Variants in UNC5C observed in about 807,000 individuals in gnomAD.
UNC5C encodes unc-5 netrin receptor C, also known as netrin receptor UNC5C.
In UNC5C, 47 loss-of-function variants were observed where a neutral mutation model predicts 99.8. The observed-to-expected ratio is 0.47, with a 90% CI of 0.37 to 0.60. UNC5C has a LOEUF of 0.60. UNC5C is among the 20% of genes least tolerant of loss of function. The probability of loss-of-function intolerance (pLI) is 0.00; values close to 1 mark genes in which losing one functional copy is unlikely to be tolerated. For missense variants in UNC5C, 1,062 were observed against 1,165.9 expected (o/e 0.91, Z 1.30); for synonymous variants, 487 against 452.2 (o/e 1.08, Z -0.98).
chr4:95,496,287 T>G (rs564411256), intron 1 of UNC5C, among the ~76,000 whole-genome samples: 1 of 151,822 alleles, frequency 6.6e-6, no homozygotes, highest in Non-Finnish European at 1.5e-5. Context: ...AATAACTTTT[T>G]TCTTTTAAAC....
chr4:95,384,041 T>A (rs1205151878), intron 1 of UNC5C, among the ~76,000 whole-genome samples: 1 of 152,174 alleles, frequency 6.6e-6, no homozygotes, highest in African/African-American at 2.4e-5. Context: ...CTAATTTAAC[T>A]CATAAAGAGC....
intron 1 of UNC5C, among the ~76,000 whole-genome samples, chr4:95,393,444 A>G (rs1745417313): frequency 6.6e-6 from 1 of 152,182 alleles, no homozygotes; most frequent in Non-Finnish European, 1.5e-5. Flanking sequence ...ATTATGACAC[A>G]CATACTATGT....
chr4:95,437,116 T>A (rs552541138), intron 1 of UNC5C, among the ~76,000 whole-genome samples: 117 of 151,898 alleles, frequency 7.7e-4, no homozygotes, highest in Non-Finnish European at 1.4e-3. Context: ...CAGAAACCAT[T>A]TGAAAGTCAG....
chr4:95,207,444 T>A (rs1204754892), intron 10 of UNC5C, among the ~76,000 whole-genome samples: 3 of 152,208 alleles, frequency 2.0e-5, no homozygotes, highest in South Asian at 4.1e-4. Flanking sequence ...GCAGATTCTT[T>A]ATTCTTATAT....
chr4:95,359,826 G>T (rs930655891), intron 1 of UNC5C, among the ~76,000 whole-genome samples: 4 of 152,064 alleles, frequency 2.6e-5, no homozygotes, highest in Admixed American at 2.6e-4. Context: ...ATATTTTAAA[G>T]AATAACAAAT....
intron 14 of UNC5C, among the ~76,000 whole-genome samples, chr4:95,179,762 A>AAG (rs1553949905): frequency 5.3e-5 from 8 of 151,590 alleles, no homozygotes; most frequent in Admixed American, 2.0e-4. Context: ...AAAAAAAAAA[A>AAG]AAAGAAAAAG....
intron 1 of UNC5C, among the ~76,000 whole-genome samples, chr4:95,393,245 CTAAGA>C (rs1444751271): frequency 6.6e-6 from 1 of 152,160 alleles, no homozygotes; most frequent in Non-Finnish European, 1.5e-5. Flanking sequence ...TTCCTCCTCC[CTAAGA>C]TATTAGGAGT....
At chr4:95,273,770 C>G (rs577446598) in intron 4 of UNC5C, among the ~76,000 whole-genome samples, 2 of 152,188 alleles carry the variant, frequency 1.3e-5, no homozygotes, top group African/African-American at 4.8e-5. Context: ...TGACACCTCC[C>G]TTATAGTCCT....
chr4:95,282,231 G>C (rs1034827841), intron 3 of UNC5C, among the ~76,000 whole-genome samples: 73 of 152,332 alleles, frequency 4.8e-4, no homozygotes, highest in African/African-American at 1.6e-3. Flanking sequence ...GTTAGCATCA[G>C]AGCAGCCAAG....
At chr4:95,211,734 T>C (rs1270410390) in intron 10 of UNC5C, among the ~76,000 whole-genome samples, 1 of 152,222 alleles carries the variant, frequency 6.6e-6, no homozygotes, top group Non-Finnish European at 1.5e-5. Context: ...ATCTTATCTT[T>C]TATAACTTTA....
intron 4 of UNC5C, among the ~76,000 whole-genome samples, chr4:95,258,746 C>CT (rs775570031): frequency 0.092 from 7,029 of 76,004 alleles, 1,448 homozygotes; most frequent in South Asian, 0.14. Flanking sequence ...CCATCTTATT[C>CT]TTTTTTTTTT....
chr4:95,199,910 A>G (rs932941427), intron 12 of UNC5C, among the ~76,000 whole-genome samples: 2 of 152,228 alleles, frequency 1.3e-5, no homozygotes, highest in South Asian at 4.1e-4. Context: ...AAGGAATATA[A>G]AAGAAATAAC....
In UNC5C at chr4:95,461,318, G is replaced by T. The variant is rs1206600875; in HGVS notation, c.124+87416C>A. The stretch of plus-strand genomic sequence containing the variant: ...TTTTCCAACATGAAGCACAAGGCAA[G>T]AGCAAGTTGAATAGATGACAAAGGA... On this transcript the variant is annotated intron_variant, in intron 1 of 15. Transcript: ENST00000453304. Among the ~76,000 whole-genome samples the T allele has an allele frequency of 3.1e-5, 3 of 97,478 alleles. 1 individual carries two copies. The highest frequency in any genetic ancestry group is 5.1e-5 in the African/African-American group (1 of 19,712). 63.9% of individuals were successfully genotyped at this position (97,478 alleles called of 152,430 possible). A position where few individuals can be genotyped will look rare whatever the true frequency, so the allele number is the denominator to read the frequency against.
chr4:95,450,281 A>T (rs367846824), intron 1 of UNC5C, among the ~76,000 whole-genome samples: 2 of 152,198 alleles, frequency 1.3e-5, no homozygotes, highest in South Asian at 2.1e-4. Context: ...GCACAATCAT[A>T]GGTTCATAGC....
chr4:95,374,046 A>C (rs1209308714), intron 1 of UNC5C, among the ~76,000 whole-genome samples: 1 of 152,008 alleles, frequency 6.6e-6, no homozygotes, highest in African/African-American at 2.4e-5. Flanking sequence ...CCAACAAAAA[A>C]CTCGGGGAGC....
In UNC5C at chr4:95,483,355, TCTTTA is replaced by T. The variant is rs755338275; in HGVS notation, c.124+65374_124+65378del. ...TTTTTATGTTATCTTTAACTCTTTC[TCTTTA>T]TTTTGTAAATATTCACCCCTTTACT... On this transcript the variant is annotated intron_variant, in intron 1 of 15. Transcript: ENST00000453304. Among the ~76,000 whole-genome samples, 4 of 151,830 alleles carry T rather than the reference TCTTTA, an allele frequency of 2.6e-5. No homozygotes were observed. The East Asian group carries it at 7.8e-4, about 30-fold the overall frequency.
At chr4:95,533,345 G>A (rs1157108026) in intron 1 of UNC5C, among the ~76,000 whole-genome samples, 1 of 151,766 alleles carries the variant, frequency 6.6e-6, no homozygotes, top group Admixed American at 6.6e-5. Flanking sequence ...GCAGTGAGCC[G>A]AGATTGCACC....
At chr4:95,369,182 T>G (rs1266691894) in intron 1 of UNC5C, among the ~76,000 whole-genome samples, 1 of 89,320 alleles carries the variant, frequency 1.1e-5, no homozygotes, top group African/African-American at 6.1e-5. Context: ...TATGTATACT[T>G]TCTGCAATCT....
intron 12 of UNC5C, among the ~76,000 whole-genome samples, chr4:95,198,955 T>C (rs1737543626): frequency 1.3e-5 from 2 of 152,064 alleles, no homozygotes; most frequent in South Asian, 2.1e-4. Context: ...CCAGGGAGTA[T>C]TAAGAAAATA....
Sources: allele counts gnomAD v4.1 joint callset (sites outside exome capture counted in the v4.1 genomes callset), GRCh38; gene constraint gnomAD v4.1.1; transcripts MANE v1.5; gene names NCBI Gene and HGNC (gene_info 2026-07-23, HGNC 2026-07-21).